The following WWOX variants were observed in gnomAD, a reference collection of about 807,000 sequenced individuals.
The protein encoded by WWOX is WW domain containing oxidoreductase.
A neutral mutation model predicts 46.2 loss-of-function variants in WWOX; 69 were observed. The ratio of observed to expected loss-of-function variants is 1.49; its 90% CI spans 1.23 to 1.82. WWOX has a LOEUF of 1.82. Among genes scored for constraint, WWOX ranks in the 40% most tolerant of loss-of-function variants. The probability of loss-of-function intolerance (pLI) is 0.00; values close to 1 mark genes in which losing one functional copy is unlikely to be tolerated. For synonymous variants in WWOX, 359 were observed against 202.6 expected, an observed-to-expected ratio of 1.77 and a Z score of -6.56; for missense variants, 919 against 542.6, an observed-to-expected ratio of 1.69 and a Z score of -6.89.
Position 78,966,605 on chromosome 16 carries a change from T to A in WWOX, c.1057-245003T>A, listed in dbSNP as rs915218776. Among the ~76,000 whole-genome samples the A allele has an allele frequency of 2.6e-5, 4 of 152,196 alleles. No individual in the cohort carries two copies. In the East Asian group the frequency reaches 7.7e-4, roughly 29 times the overall value. On this transcript the variant is annotated intron_variant, in intron 8 of 8. Coordinates refer to ENST00000566780, the MANE Select transcript of WWOX (RefSeq NM_016373.4). ...AAGGCTAAAAAGTAACATGTGAATG[T>A]TTTGAATCAATAAATATAGTATGTA...
At chr16:79,121,384 A>C (rs1421860523) in intron 8 of WWOX, among the ~76,000 whole-genome samples, 2 of 152,232 alleles carry the variant, frequency 1.3e-5, no homozygotes, top group Non-Finnish European at 2.9e-5. Flanking sequence ...TGTTTACAAC[A>C]GAATATATAA....
intron 8 of WWOX, among the ~76,000 whole-genome samples, chr16:79,132,419 A>C (rs914218831): frequency 6.6e-6 from 1 of 152,156 alleles, no homozygotes; most frequent in Non-Finnish European, 1.5e-5. Flanking sequence ...ACCTAAATAA[A>C]GCCACAGCCA....
intron 8 of WWOX, among the ~76,000 whole-genome samples, chr16:78,433,097 G>C (rs1483593618): frequency 6.6e-6 from 1 of 152,156 alleles, no homozygotes; most frequent in Non-Finnish European, 1.5e-5. Context: ...TGGAGCACTT[G>C]AAAACTGCTG....
chr16:78,111,785 G>C (rs116899677), intron 3 of WWOX: 82 of 161,360 alleles, frequency 5.1e-4, no homozygotes, highest in Non-Finnish European at 8.7e-4. Context: ...AGAAGAAATG[G>C]TGAAAGTTTT....
At chr16:78,296,743 G>T (rs912563824) in intron 5 of WWOX, among the ~76,000 whole-genome samples, 2 of 152,074 alleles carry the variant, frequency 1.3e-5, no homozygotes, top group African/African-American at 2.4e-5. Context: ...TTTGTGCATT[G>T]TACAGCAATT....
At chr16:79,107,773 A>C (rs9925697) in intron 8 of WWOX, among the ~76,000 whole-genome samples, 40,886 of 152,178 alleles carry the variant, frequency 0.27, 5,921 homozygotes, top group East Asian at 0.41. Flanking sequence ...TAGGTGCTAC[A>C]TGAAAGTTTA....
intron 8 of WWOX, among the ~76,000 whole-genome samples, chr16:78,517,697 A>G (rs1206998494): frequency 6.6e-6 from 1 of 152,068 alleles, no homozygotes; most frequent in Non-Finnish European, 1.5e-5. Flanking sequence ...TGGAAAGGGC[A>G]TGCGTTGACT....
intron 8 of WWOX, among the ~76,000 whole-genome samples, chr16:78,921,882 A>C (rs550553794): frequency 6.6e-6 from 1 of 152,212 alleles, no homozygotes; most frequent in South Asian, 2.1e-4. Flanking sequence ...CACTTAGCAG[A>C]AGCTATTGTA....
chr16:78,726,129 CTCTCTCTTTTTCTCTT>C (rs1235049876), intron 8 of WWOX, among the ~76,000 whole-genome samples: 28 of 146,740 alleles, frequency 1.9e-4, no homozygotes, highest in Non-Finnish European at 4.1e-4. Context: ...CCCTCTCTCC[CTCTCTCTTTTTCTCTT>C]TCTCTCTTTC....
chr16:78,871,186 T>G (rs2044120649), intron 8 of WWOX, among the ~76,000 whole-genome samples: 1 of 152,082 alleles, frequency 6.6e-6, no homozygotes, highest in Non-Finnish European at 1.5e-5. Context: ...TTTTTTTTTT[T>G]TTTAATGAGG....
At chr16:78,411,115 T>A (rs1269732457) in intron 6 of WWOX, among the ~76,000 whole-genome samples, 1 of 152,134 alleles carries the variant, frequency 6.6e-6, no homozygotes, top group African/African-American at 2.4e-5. Context: ...TGTCCATGAT[T>A]TTTTCTATAT....
chr16:78,547,150 A>AC (rs2044058095), intron 8 of WWOX, among the ~76,000 whole-genome samples: 18 of 145,604 alleles, frequency 1.2e-4, no homozygotes, highest in Admixed American at 9.0e-4. Flanking sequence ...AAAAAAAAAA[A>AC]AAAAAAAAAC....
At chr16:79,189,473 GTGTGTT>G (rs1247523743) in intron 8 of WWOX, among the ~76,000 whole-genome samples, 2 of 140,218 alleles carry the variant, frequency 1.4e-5, no homozygotes, top group African/African-American at 5.4e-5. Flanking sequence ...GTGTGTGTGT[GTGTGTT>G]TTGTAGAGAC....
At chr16:78,497,968 C>G (rs905687877) in intron 8 of WWOX, among the ~76,000 whole-genome samples, 1 of 151,866 alleles carries the variant, frequency 6.6e-6, no homozygotes, top group African/African-American at 2.4e-5. Context: ...TTTGGGAGGC[C>G]GAGGTGGGCG....
chr16:78,266,343 T>A (rs1391713463), intron 5 of WWOX, among the ~76,000 whole-genome samples: 2 of 152,358 alleles, frequency 1.3e-5, no homozygotes, highest in East Asian at 3.9e-4. Context: ...CCTACACACC[T>A]TCATTTATAA....
At chr16:78,701,235 T>G (rs1203309229) in intron 8 of WWOX, among the ~76,000 whole-genome samples, 1 of 152,138 alleles carries the variant, frequency 6.6e-6, no homozygotes, top group African/African-American at 2.4e-5. Flanking sequence ...TACATGTACA[T>G]GTAAAGAACT....
intron 8 of WWOX, among the ~76,000 whole-genome samples, chr16:78,675,337 T>C (rs947305244): frequency 3.3e-5 from 5 of 152,144 alleles, no homozygotes; most frequent in Non-Finnish European, 7.3e-5. Context: ...AATGTAAAGA[T>C]TTAAAAAACT....
intron 6 of WWOX, among the ~76,000 whole-genome samples, chr16:78,389,021 C>T (rs1366842083): frequency 2.6e-5 from 4 of 152,008 alleles, no homozygotes; most frequent in Admixed American, 1.3e-4. Context: ...TGTCAGTGTC[C>T]CAAGTCACTG....
intron 1 of WWOX, 40 bp downstream of exon 1, chr16:78,099,925 C>G (rs756615224): frequency 1.4e-5 from 21 of 1,545,384 alleles, no homozygotes; most frequent in Non-Finnish European, 1.7e-5. Context: ...CACCTGGGAC[C>G]CTGCACAGCC....
Sources: gnomAD v4.1 joint callset for allele counts (sites outside exome capture counted in the v4.1 genomes callset) on GRCh38, gnomAD v4.1.1 for gene constraint, MANE v1.5 for transcripts, NCBI Gene and HGNC (gene_info 2026-07-23, HGNC 2026-07-21) for gene names.